The following FGF13 variants were observed in gnomAD, a reference collection of about 807,000 sequenced individuals.
FGF13 encodes fibroblast growth factor homologous factor 2.
In FGF13, 2 loss-of-function variants were observed where a neutral mutation model predicts 19.5. The observed-to-expected ratio is 0.10, with a 90% CI of 0.04 to 0.32. The LOEUF (loss-of-function observed/expected upper bound fraction) is 0.32. Among genes scored for constraint, FGF13 ranks in the 10% least tolerant of loss-of-function variants. The pLI is 1.00. For missense variants in FGF13, 113 were observed against 192.7 expected, an observed-to-expected ratio of 0.59 and a Z score of 2.45; for synonymous variants, 72 against 76.9, an observed-to-expected ratio of 0.94 and a Z score of 0.33.
intron 1 of FGF13, among the ~76,000 whole-genome samples, chrX:139,118,845 G>A (rs1049906379): frequency 1.8e-5 from 2 of 110,305 alleles, no homozygotes; most frequent in Non-Finnish European, 1.9e-5. Flanking sequence ...AACATATGGA[G>A]ACCCCACCTC....
intron 1 of FGF13, among the ~76,000 whole-genome samples, chrX:138,895,452 G>A (rs1192944260): frequency 8.9e-6 from 1 of 112,084 alleles, no homozygotes; most frequent in Non-Finnish European, 1.9e-5. Flanking sequence ...TGGCCAATAA[G>A]TATATGAAAA....
At chrX:138,831,840 C>T (rs998393657) in intron 3 of FGF13, among the ~76,000 whole-genome samples, 5 of 111,265 alleles carry the variant, frequency 4.5e-5, no homozygotes, top group African/African-American at 1.3e-4. Context: ...TACCCTCCAC[C>T]TTCTGAAATG....
In FGF13 at chrX:138,828,092, G is replaced by A. The variant is rs187591752; in HGVS notation, c.217+29420C>T. 1.9e-4 allele frequency among the ~76,000 whole-genome samples: 21 copies of A among 111,709 alleles called. No homozygotes were observed. The East Asian group carries it at 5.4e-3, about 29-fold the overall frequency. ...GTTTACATTATAGGTAATTGCAATCGGCAGAAGGCACTAGGAGAAAACGAT... is the reference window on the plus strand; with the variant it reads ...GTTTACATTATAGGTAATTGCAATCAGCAGAAGGCACTAGGAGAAAACGAT... On this transcript the variant is annotated intron_variant, in intron 3 of 6. Transcript: ENST00000436198.
chrX:138,906,192 G>A (rs2091557634), intron 1 of FGF13, among the ~76,000 whole-genome samples: 1 of 111,666 alleles, frequency 9.0e-6, no homozygotes, highest in African/African-American at 3.3e-5. Context: ...CAAAGGCCAC[G>A]GAGGCAAGTC....
intron 3 of FGF13, among the ~76,000 whole-genome samples, chrX:138,653,804 C>T (rs951543950): frequency 3.6e-5 from 4 of 111,701 alleles, no homozygotes; most frequent in African/African-American, 6.5e-5. Flanking sequence ...GCCCTTTAGT[C>T]GCTCCTTTCA....
intron 3 of FGF13, among the ~76,000 whole-genome samples, chrX:138,836,371 G>T (rs898476038): frequency 4.5e-5 from 5 of 111,668 alleles, no homozygotes; most frequent in Non-Finnish European, 9.4e-5. Flanking sequence ...TTCTCAAAGG[G>T]TTTGTTCATT....
At chrX:138,744,961 A>C (rs907392437) in intron 3 of FGF13, among the ~76,000 whole-genome samples, 2 of 111,961 alleles carry the variant, frequency 1.8e-5, no homozygotes, top group Non-Finnish European at 3.8e-5. Flanking sequence ...TTTCATAAGA[A>C]ACAAATCTAA....
chrX:138,887,569 C>G (rs1320606238), intron 1 of FGF13, among the ~76,000 whole-genome samples: 1 of 111,531 alleles, frequency 9.0e-6, no homozygotes, highest in Non-Finnish European at 1.9e-5. Flanking sequence ...CAGATAAACT[C>G]CCGCTACTTC....
intron 1 of FGF13, among the ~76,000 whole-genome samples, chrX:138,985,475 T>C (rs1334325226): frequency 2.7e-5 from 3 of 111,950 alleles, no homozygotes; most frequent in Non-Finnish European, 5.6e-5. Flanking sequence ...TCTTGTTTAT[T>C]ACAGAGATTA....
At chrX:138,709,577 G>T (rs1343869529) in intron 1 of FGF13, among the ~76,000 whole-genome samples, 2 of 111,754 alleles carry the variant, frequency 1.8e-5, no homozygotes, top group Non-Finnish European at 3.8e-5. Context: ...TTGTTGGTAG[G>T]AAGGAAAAAA....
At chrX:138,774,545 C>T (rs1309589487) in intron 3 of FGF13, among the ~76,000 whole-genome samples, 2 of 111,649 alleles carry the variant, frequency 1.8e-5, no homozygotes, top group Non-Finnish European at 3.8e-5. Context: ...AGTCCTTGCT[C>T]TTACCCACCA....
intron 1 of FGF13, among the ~76,000 whole-genome samples, chrX:139,033,666 T>C (rs2092239514): frequency 8.9e-6 from 1 of 112,043 alleles, no homozygotes; most frequent in Admixed American, 9.5e-5. Flanking sequence ...TGACATTTTA[T>C]AACACCCGCC....
At chrX:139,023,496 G>A (rs966580183) in intron 1 of FGF13, among the ~76,000 whole-genome samples, 2 of 110,991 alleles carry the variant, frequency 1.8e-5, no homozygotes, top group Non-Finnish European at 3.8e-5. Flanking sequence ...AGGGAAGAGA[G>A]AGAGAGAGAG....
chrX:138,960,427 A>G (rs1479605651), intron 1 of FGF13, among the ~76,000 whole-genome samples: 7 of 111,842 alleles, frequency 6.3e-5, no homozygotes, highest in African/African-American at 2.3e-4. Context: ...TGGGTAACCC[A>G]ACCTTTCTCT....
intron 1 of FGF13, among the ~76,000 whole-genome samples, chrX:139,020,845 G>A (rs767196300): frequency 4.5e-5 from 5 of 111,077 alleles, no homozygotes; most frequent in Admixed American, 9.6e-5. Flanking sequence ...GAAGTAGGAT[G>A]TATAAAAGAG....
chrX:139,053,156 G>C (rs899549353), intron 1 of FGF13, among the ~76,000 whole-genome samples: 1 of 111,272 alleles, frequency 9.0e-6, no homozygotes, highest in South Asian at 3.8e-4. Context: ...TCTCATCCAG[G>C]TCACTGCAAA....
rs188709750 is a variant in FGF13 at position 139,164,590 on chromosome X, C to T, written c.-113+38826G>A. Among the ~76,000 whole-genome samples, 6 of 109,548 alleles carry T rather than the reference C, an allele frequency of 5.5e-5. No individual in the cohort carries two copies. In the East Asian group the frequency reaches 1.4e-3, roughly 26 times the overall value. ...CTGTAGTCCTAGCTACTCAGGAAGC[C>T]GAGGTGGAAGGATTGCTTAAGCCCA... is the stretch of plus-strand genomic sequence containing the variant. On this transcript the variant is annotated intron_variant, in intron 1 of 2. Coordinates refer to the FGF13 transcript ENST00000421460.
At chrX:138,658,244 T>C (rs1271362328) in intron 3 of FGF13, among the ~76,000 whole-genome samples, 1 of 112,352 alleles carries the variant, frequency 8.9e-6, no homozygotes, top group Non-Finnish European at 1.9e-5. Flanking sequence ...AATGTGAGAC[T>C]GTCAAAACAG....
intron 1 of FGF13, among the ~76,000 whole-genome samples, chrX:139,125,341 G>C (rs182804885): frequency 4.1e-4 from 46 of 112,108 alleles, no homozygotes; most frequent in African/African-American, 1.5e-3. Context: ...ATAAAAAGAC[G>C]TTCAGCTCTT....
Sources: allele counts gnomAD v4.1 joint callset (sites outside exome capture counted in the v4.1 genomes callset), GRCh38; gene constraint gnomAD v4.1.1; transcripts MANE v1.5; gene names NCBI Gene and HGNC (gene_info 2026-07-23, HGNC 2026-07-21).